Variants in TAS2R1 observed in about 807,000 individuals in gnomAD.
TAS2R1 encodes taste 2 receptor member 1.
For synonymous variants in TAS2R1, 141 were observed against 134.2 expected (o/e 1.05, Z -0.35); for missense variants, 370 against 353.4 (o/e 1.05, Z -0.38).
chr5:9,900,336 T>TA, the TAS2R1 span, among the ~76,000 whole-genome samples: 1 of 152,260 alleles, frequency 6.6e-6, no homozygotes, highest in Non-Finnish European at 1.5e-5. Context: ...TGTTAGCTAC[T>TA]AAAATTTGCA....
At chr5:9,756,546 G>C in the TAS2R1 span, among the ~76,000 whole-genome samples, 1 of 152,104 alleles carries the variant, frequency 6.6e-6, no homozygotes, top group South Asian at 2.1e-4. Context: ...CTTTTCCCAT[G>C]GGGCTCTTGC....
At chr5:9,668,759 A>G (rs1299516756) in intron 1 of TAS2R1, among the ~76,000 whole-genome samples, 2 of 152,148 alleles carry the variant, frequency 1.3e-5, no homozygotes, top group African/African-American at 2.4e-5. Flanking sequence ...GTCCTTAAGC[A>G]AGTGCTAAAT....
At chr5:9,719,918 C>CAAAAA in the TAS2R1 span, among the ~76,000 whole-genome samples, 26 of 63,530 alleles carry the variant, frequency 4.1e-4, no homozygotes, top group African/African-American at 8.5e-4. Flanking sequence ...GATTCCGATT[C>CAAAAA]AAAAAAAAAA....
the TAS2R1 span, among the ~76,000 whole-genome samples, chr5:9,745,052 G>C: frequency 6.6e-6 from 1 of 152,274 alleles, no homozygotes; most frequent in Non-Finnish European, 1.5e-5. Context: ...AACTTACTGT[G>C]GGTACATTGA....
At chr5:9,676,065 G>C (rs757675848) in intron 1 of TAS2R1, among the ~76,000 whole-genome samples, 1 of 151,910 alleles carries the variant, frequency 6.6e-6, no homozygotes, top group Non-Finnish European at 1.5e-5. Context: ...ATTCTAAAAG[G>C]GTGTTAAAAT....
the TAS2R1 span, among the ~76,000 whole-genome samples, chr5:9,783,834 G>A: frequency 1.3e-5 from 2 of 152,182 alleles, no homozygotes; most frequent in African/African-American, 4.8e-5. Context: ...CAGTTAATGG[G>A]TTGATGAGTG....
the TAS2R1 span, among the ~76,000 whole-genome samples, chr5:9,892,797 A>G: frequency 8.5e-5 from 13 of 152,226 alleles, no homozygotes; most frequent in Non-Finnish European, 1.3e-4. Context: ...GTCAAGTACA[A>G]GAGTATTACA....
chr5:9,754,318 A>C, the TAS2R1 span, among the ~76,000 whole-genome samples: 1 of 152,114 alleles, frequency 6.6e-6, no homozygotes, highest in African/African-American at 2.4e-5. Context: ...ATGGGCAAAA[A>C]CTGGAAGCAT....
At chr5:9,820,498 A>T in the TAS2R1 span, among the ~76,000 whole-genome samples, 1 of 152,214 alleles carries the variant, frequency 6.6e-6, no homozygotes, top group African/African-American at 2.4e-5. Context: ...AATAACATAG[A>T]ATCACCAGAA....
At chr5:9,895,190 G>A in the TAS2R1 span, among the ~76,000 whole-genome samples, 1 of 152,218 alleles carries the variant, frequency 6.6e-6, no homozygotes, top group Non-Finnish European at 1.5e-5. Flanking sequence ...AGGGATTAAG[G>A]CAGTATGGCT....
At chr5:9,634,102 C>A (rs1186797562), upstream of TAS2R1, among the ~76,000 whole-genome samples, 1 of 152,050 alleles carries the variant, frequency 6.6e-6, no homozygotes, top group African/African-American at 2.4e-5. Context: ...TTTAATCCAT[C>A]TTGAGGTTGT....
At chr5:9,863,264 AT>A in the TAS2R1 span, among the ~76,000 whole-genome samples, 17,418 of 126,420 alleles carry the variant, frequency 0.14, 1,153 homozygotes, top group East Asian at 0.4. Flanking sequence ...AGACCCAAAG[AT>A]TTTTTTTTTT....
the TAS2R1 span, among the ~76,000 whole-genome samples, chr5:9,823,019 C>CAA: frequency 0.014 from 1,601 of 114,292 alleles, 23 homozygotes; most frequent in Middle Eastern, 0.041. Context: ...TCCTCTCCAC[C>CAA]AAAAAAAAAA....
At chr5:9,848,494 A>G in the TAS2R1 span, among the ~76,000 whole-genome samples, 1 of 152,202 alleles carries the variant, frequency 6.6e-6, no homozygotes, top group Non-Finnish European at 1.5e-5. Flanking sequence ...CAGGTTTGAC[A>G]CGATGAATAA....
intron 1 of TAS2R1, among the ~76,000 whole-genome samples, chr5:9,708,151 C>T (rs911355821): frequency 2.0e-5 from 3 of 152,084 alleles, no homozygotes; most frequent in Non-Finnish European, 4.4e-5. Context: ...AAGAAGGGCC[C>T]GTAGAATATT....
the TAS2R1 span, among the ~76,000 whole-genome samples, chr5:9,874,376 G>A: frequency 6.6e-6 from 1 of 152,200 alleles, no homozygotes; most frequent in African/African-American, 2.4e-5. Flanking sequence ...AAAGGAAGAT[G>A]TTAGCAATCA....
chr5:9,754,697 G>T, the TAS2R1 span, among the ~76,000 whole-genome samples: 1 of 152,130 alleles, frequency 6.6e-6, no homozygotes, highest in Admixed American at 6.5e-5. Context: ...GGATGTGAAG[G>T]ACCTCTTCAA....
the TAS2R1 span, among the ~76,000 whole-genome samples, chr5:9,725,720 G>A: frequency 7.9e-5 from 12 of 152,216 alleles, no homozygotes; most frequent in African/African-American, 1.4e-4. Flanking sequence ...GCAGGCACAC[G>A]GCACGGGACT....
In TAS2R1 at chr5:9,629,953, A is replaced by G. The variant is rs200698320; in HGVS notation, c.80T>C (p.Ile27Thr). 61 of 1,610,120 alleles carry G rather than the reference A, an allele frequency of 3.8e-5. No individual in the cohort carries two copies. The East Asian group carries it at 6.9e-4, about 18-fold the overall frequency. ...FLLGIFTNGI[I>T]VVVNGIDLIK... is the part of the protein sequence containing the mutation. ...CAAGTCAATGCCATTCACCACCACA[A>G]TGATGCCATTTGTGAAAATCCCAAG... is the stretch of plus-strand genomic sequence containing the variant. Residue 27 changes from isoleucine to threonine, a missense_variant, in exon 1 of 1, where the codon ATT (isoleucine) becomes ACT (threonine). Coordinates refer to ENST00000382492, the MANE Select transcript of TAS2R1 (RefSeq NM_019599.3).
Sources: allele counts gnomAD v4.1 joint callset (sites outside exome capture counted in the v4.1 genomes callset), GRCh38; gene constraint gnomAD v4.1.1; transcripts MANE v1.5; gene names NCBI Gene and HGNC (gene_info 2026-07-23, HGNC 2026-07-21).